PCDH9: variants seen among roughly 807,000 people sequenced by gnomAD.
The protein encoded by PCDH9 is protocadherin-9.
Under a neutral mutation model 70.6 loss-of-function variants are expected in PCDH9, and 24 were observed. The observed-to-expected ratio is 0.34, with a 90% CI of 0.25 to 0.48. The LOEUF is 0.48. Ranked by LOEUF, PCDH9 falls within the 20% of genes least tolerant of loss-of-function variation. The probability of loss-of-function intolerance (pLI) is 0.99; values close to 1 mark genes in which losing one functional copy is unlikely to be tolerated. For missense variants in PCDH9, 1,281 were observed against 1,503.6 expected (o/e 0.85, Z 2.45); for synonymous variants, 562 against 558.5 (o/e 1.01, Z -0.09).
intron 2 of PCDH9, chr13:67,203,053 G>A (rs1056625507): frequency 7.9e-5 from 12 of 152,132 alleles, no homozygotes; most frequent in Admixed American, 2.0e-4. Flanking sequence ...TAGCAAAGCA[G>A]TAATTCCTTT....
chr13:67,111,277 G>A (rs929318494), intron 2 of PCDH9, among the ~76,000 whole-genome samples: 10 of 152,122 alleles, frequency 6.6e-5, no homozygotes, highest in East Asian at 5.8e-4. Flanking sequence ...CAAAATGTAC[G>A]ATTAATATAT....
chr13:66,974,591 A>G (rs751130606), intron 2 of PCDH9, among the ~76,000 whole-genome samples: 1 of 152,006 alleles, frequency 6.6e-6, no homozygotes, highest in Non-Finnish European at 1.5e-5. Flanking sequence ...GTTATGTATT[A>G]GTAATATTCT....
chr13:66,787,341 C>T (rs907490361), intron 3 of PCDH9, among the ~76,000 whole-genome samples: 6 of 152,040 alleles, frequency 3.9e-5, no homozygotes, highest in Admixed American at 2.0e-4. Context: ...CTGGGCCAGG[C>T]GTGGTGGCTC....
chr13:66,529,084 C>G (rs1392309065), intron 4 of PCDH9, among the ~76,000 whole-genome samples: 2 of 151,982 alleles, frequency 1.3e-5, no homozygotes, highest in Non-Finnish European at 2.9e-5. Context: ...CCATTCCTCT[C>G]CAAGTATATA....
chr13:67,167,132 A>G (rs2088140269), intron 2 of PCDH9, among the ~76,000 whole-genome samples: 2 of 152,188 alleles, frequency 1.3e-5, no homozygotes, highest in African/African-American at 4.8e-5. Context: ...TTGATTTTTT[A>G]AAAGGCTATG....
chr13:67,045,304 C>T (rs1011842203), intron 2 of PCDH9, among the ~76,000 whole-genome samples: 2 of 152,182 alleles, frequency 1.3e-5, no homozygotes, highest in Non-Finnish European at 2.9e-5. Flanking sequence ...CCATCCCTTA[C>T]ATAAATTCTA....
At chr13:67,140,671 T>A (rs1448725046) in intron 2 of PCDH9, among the ~76,000 whole-genome samples, 2 of 152,216 alleles carry the variant, frequency 1.3e-5, no homozygotes, top group East Asian at 3.8e-4. Flanking sequence ...AAACCCCAGC[T>A]AATTCCAATG....
chr13:66,477,253 T>G (rs542995771), intron 4 of PCDH9, among the ~76,000 whole-genome samples: 6 of 152,244 alleles, frequency 3.9e-5, no homozygotes, highest in African/African-American at 1.4e-4. Context: ...ATAAGCTATA[T>G]GGCTTGGGCA....
At position 67,146,420 on chromosome 13, in the gene PCDH9, A is replaced by G. The variant is rs941995305; in HGVS notation, c.3036+78985T>C. Among the ~76,000 whole-genome samples the G allele has an allele frequency of 8.5e-5, 13 of 152,172 alleles. 1 individual carries two copies. The highest frequency in any genetic ancestry group is 3.1e-4 in the African/African-American group (13 of 41,448). On this transcript the variant is annotated intron_variant, in intron 2 of 4. Coordinates refer to ENST00000377865, the MANE Select transcript of PCDH9 (RefSeq NM_203487.3). The stretch of plus-strand genomic sequence containing the variant: ...ATATCATTTCCTCCAAGTGAAATGT[A>G]TTGGTATAATTTTGAAGCCAAACTC...
At chr13:66,975,795 T>C (rs1034231809) in intron 2 of PCDH9, among the ~76,000 whole-genome samples, 6 of 151,948 alleles carry the variant, frequency 3.9e-5, no homozygotes, top group African/African-American at 1.5e-4. Flanking sequence ...GTAGAGGAAA[T>C]AGAAATAATT....
At chr13:66,965,016 A>G (rs2083408875) in intron 2 of PCDH9, among the ~76,000 whole-genome samples, 1 of 152,054 alleles carries the variant, frequency 6.6e-6, no homozygotes. Flanking sequence ...AAAAATTTTA[A>G]ACATTTCTTT....
At chr13:66,431,315 A>T (rs1015091703) in intron 4 of PCDH9, among the ~76,000 whole-genome samples, 11 of 152,140 alleles carry the variant, frequency 7.2e-5, no homozygotes, top group African/African-American at 2.4e-4. Flanking sequence ...TAATTGGTAC[A>T]TCAATACTAC....
intron 2 of PCDH9, among the ~76,000 whole-genome samples, chr13:67,019,817 A>G (rs2084639489): frequency 6.6e-6 from 1 of 152,206 alleles, no homozygotes; most frequent in Non-Finnish European, 1.5e-5. Context: ...CTTCAAGGGC[A>G]GCAGAGGTGA....
At chr13:66,588,287 T>C (rs2076990663) in intron 4 of PCDH9, among the ~76,000 whole-genome samples, 1 of 151,966 alleles carries the variant, frequency 6.6e-6, no homozygotes, top group Non-Finnish European at 1.5e-5. Context: ...CCATTTACCT[T>C]ACCTCAAAGG....
intron 4 of PCDH9, among the ~76,000 whole-genome samples, chr13:66,375,197 A>G (rs917716513): frequency 6.6e-6 from 1 of 152,102 alleles, no homozygotes; most frequent in Non-Finnish European, 1.5e-5. Flanking sequence ...GTAATTCCAT[A>G]TAATTACTCA....
chr13:66,885,659 T>A (rs1035968805), intron 3 of PCDH9, among the ~76,000 whole-genome samples: 2 of 152,196 alleles, frequency 1.3e-5, no homozygotes, highest in East Asian at 3.9e-4. Flanking sequence ...TACTGAATTC[T>A]AAGATGCTTT....
chr13:66,519,805 C>T (rs1959907263), intron 4 of PCDH9, among the ~76,000 whole-genome samples: 1 of 152,104 alleles, frequency 6.6e-6, no homozygotes, highest in Non-Finnish European at 1.5e-5. Flanking sequence ...AGCTCTCGGC[C>T]ATTGGAAAAT....
chr13:66,554,793 A>G (rs1250783212), intron 4 of PCDH9, among the ~76,000 whole-genome samples: 2 of 152,210 alleles, frequency 1.3e-5, no homozygotes, highest in East Asian at 3.8e-4. Flanking sequence ...GGTGAATAAC[A>G]GGTTTTAAAT....
chr13:67,078,375 C>T (rs1156798801), intron 2 of PCDH9, among the ~76,000 whole-genome samples: 2 of 152,114 alleles, frequency 1.3e-5, no homozygotes, highest in Non-Finnish European at 2.9e-5. Context: ...AATCTCAAGG[C>T]TCACCCTGTT....
Sources: gnomAD v4.1 joint callset for allele counts (sites outside exome capture counted in the v4.1 genomes callset) on GRCh38, gnomAD v4.1.1 for gene constraint, MANE v1.5 for transcripts, NCBI Gene and HGNC (gene_info 2026-07-23, HGNC 2026-07-21) for gene names.